CFDP1: variants seen among roughly 807,000 people sequenced by gnomAD.
CFDP1 encodes heterochromatin-stabilizing protein CFDP1.
A neutral mutation model predicts 40.1 loss-of-function variants in CFDP1; 31 were observed. The ratio of observed to expected loss-of-function variants is 0.77; its 90% CI spans 0.58 to 1.04. The LOEUF (loss-of-function observed/expected upper bound fraction) is 1.04, where lower values mean the gene tolerates loss of function less well. CFDP1 is among the 50% of genes least tolerant of loss of function. The pLI is 0.00. For synonymous variants in CFDP1, 167 were observed against 120.0 expected (o/e 1.39, Z -2.56); for missense variants, 423 against 343.4 (o/e 1.23, Z -1.83).
intron 6 of CFDP1, among the ~76,000 whole-genome samples, chr16:75,302,476 C>G (rs2078227685): frequency 6.6e-6 from 1 of 152,180 alleles, no homozygotes; most frequent in African/African-American, 2.4e-5. Context: ...CCAGGCTGGT[C>G]CTGAGCTCAA....
intron 5 of CFDP1, among the ~76,000 whole-genome samples, chr16:75,316,539 C>T (rs1233157478): frequency 7.4e-6 from 1 of 135,224 alleles, no homozygotes; most frequent in Non-Finnish European, 1.5e-5. Context: ...CACTGCACTC[C>T]AGCCTGGGTT....
At chr16:75,308,406 TTA>T (rs1303377528) in intron 5 of CFDP1, among the ~76,000 whole-genome samples, 1 of 152,214 alleles carries the variant, frequency 6.6e-6, no homozygotes, top group Non-Finnish European at 1.5e-5. Context: ...AATCCTTGTC[TTA>T]TGTTCTGCTT....
At chr16:75,313,461 T>A (rs571759482) in intron 5 of CFDP1, among the ~76,000 whole-genome samples, 9 of 152,280 alleles carry the variant, frequency 5.9e-5, no homozygotes, top group Non-Finnish European at 1.2e-4. Flanking sequence ...TCCTGATAGC[T>A]GGGATTACAG....
At chr16:75,432,370 TA>T (rs55961935) in intron 1 of CFDP1, among the ~76,000 whole-genome samples, 40,871 of 105,022 alleles carry the variant, frequency 0.39, 7,221 homozygotes, top group East Asian at 0.48. Context: ...ATGCCATTTC[TA>T]AAAAAAAAAA....
chr16:75,367,151 C>T (rs1222066891), intron 5 of CFDP1, among the ~76,000 whole-genome samples: 3 of 119,198 alleles, frequency 2.5e-5, no homozygotes, highest in Non-Finnish European at 3.3e-5. Context: ...GTGACAGGAA[C>T]GAGACTCCAT....
At position 75,294,104 on chromosome 16, in the gene CFDP1, G is replaced by C. The variant is rs980580206; in HGVS notation, c.810-62C>G. On this transcript the variant is annotated intron_variant, in intron 6 of 6. Coordinates refer to ENST00000283882, the MANE Select transcript of CFDP1 (RefSeq NM_006324.3). ...GTAGGAAAAACTCCTCCCCTGCACA[G>C]TCCCATCCCCCAGGGATAAACTAAG... 4.0e-6 allele frequency: 5 copies of C among 1,237,958 alleles called. No homozygotes were observed. In the African/African-American group the frequency reaches 7.4e-5, roughly 18 times the overall value. 76.7% of individuals were successfully genotyped at this position (1,237,958 alleles called of 1,614,324 possible).
At chr16:75,344,410 G>C (rs2078547853) in intron 5 of CFDP1, among the ~76,000 whole-genome samples, 1 of 152,106 alleles carries the variant, frequency 6.6e-6, no homozygotes, top group African/African-American at 2.4e-5. Context: ...AATTGCTTTA[G>C]AAAACAAAAT....
At chr16:75,358,940 G>T (rs1567656203) in intron 5 of CFDP1, among the ~76,000 whole-genome samples, 1 of 152,186 alleles carries the variant, frequency 6.6e-6, no homozygotes, top group Non-Finnish European at 1.5e-5. Context: ...GTAATCAGCA[G>T]TTCTGAAATG....
intron 5 of CFDP1, among the ~76,000 whole-genome samples, chr16:75,383,446 G>A (rs2078867551): frequency 6.6e-6 from 1 of 152,182 alleles, no homozygotes; most frequent in Admixed American, 6.5e-5. Context: ...CTTCCCTGAT[G>A]TTAAAACATT....
At chr16:75,359,234 T>G (rs1318788187) in intron 5 of CFDP1, among the ~76,000 whole-genome samples, 2 of 152,172 alleles carry the variant, frequency 1.3e-5, no homozygotes, top group Non-Finnish European at 2.9e-5. Flanking sequence ...TTTTAATTTC[T>G]TATACTATAA....
intron 4 of CFDP1, among the ~76,000 whole-genome samples, chr16:75,397,565 G>A (rs2079007009): frequency 6.6e-6 from 1 of 150,992 alleles, no homozygotes; most frequent in Non-Finnish European, 1.5e-5. Context: ...CACTTTGGGA[G>A]ACTGAGGCGG....
chr16:75,394,859 C>T lies in CFDP1; in HGVS notation c.650+231G>A. ...TTTTTTTTTAAGAGACAGGGTCTTACTGTATTGCCCAGGCTGGTCACAAAC... is the reference window on the plus strand; with the variant it reads ...TTTTTTTTTAAGAGACAGGGTCTTATTGTATTGCCCAGGCTGGTCACAAAC... On this transcript the variant is annotated intron_variant, in intron 5 of 6. Coordinates refer to ENST00000283882, the MANE Select transcript of CFDP1 (RefSeq NM_006324.3). The T allele has an allele frequency of 8.1e-6, 3 of 371,830 alleles. No individual in the cohort carries two copies. The South Asian group carries it at 9.2e-5, about 11-fold the overall frequency. The allele number at this position is 371,830 out of a possible 1,614,324, so 23.0% of individuals were successfully genotyped here.
intron 5 of CFDP1, among the ~76,000 whole-genome samples, chr16:75,334,460 T>C (rs1463494874): frequency 6.7e-6 from 1 of 149,944 alleles, no homozygotes; most frequent in African/African-American, 2.5e-5. Flanking sequence ...AATAGGCTAC[T>C]AGATGGCCAG....
At chr16:75,319,438 C>T (rs1267945568) in intron 5 of CFDP1, among the ~76,000 whole-genome samples, 3 of 152,174 alleles carry the variant, frequency 2.0e-5, no homozygotes, top group Non-Finnish European at 2.9e-5. Flanking sequence ...CTCAAAGTTA[C>T]ATCTGGGGTT....
At chr16:75,431,078 A>G (rs2079408025) in intron 1 of CFDP1, among the ~76,000 whole-genome samples, 1 of 152,148 alleles carries the variant, frequency 6.6e-6, no homozygotes, top group African/African-American at 2.4e-5. Context: ...ACCAGAGAAA[A>G]CAAGAAGTGC....
chr16:75,349,446 T>C (rs2078592688), intron 5 of CFDP1, among the ~76,000 whole-genome samples: 1 of 149,790 alleles, frequency 6.7e-6, no homozygotes, highest in Non-Finnish European at 1.5e-5. Flanking sequence ...GGAGTGGAGG[T>C]TGCGGTGAGC....
intron 5 of CFDP1, among the ~76,000 whole-genome samples, chr16:75,365,957 C>A (rs1052580457): frequency 6.6e-6 from 1 of 152,280 alleles, no homozygotes. Context: ...ATGGTGTGAC[C>A]ACTTTGGAAA....
In CFDP1 at chr16:75,433,283, G is replaced by T; in HGVS notation, c.64+6C>A. 6.3e-7 allele frequency: 1 copy of T among 1,595,840 alleles called. No individual in the cohort carries two copies. ...TTCGCTTCTCGCCTCAGGCGGAATCGCTCACCCGACGGCACGTAGTCCTCG... is the reference window on the plus strand; with the variant it reads ...TTCGCTTCTCGCCTCAGGCGGAATCTCTCACCCGACGGCACGTAGTCCTCG... On this transcript the variant is annotated splice_donor_region_variant and intron_variant, in intron 1 of 6. Coordinates refer to ENST00000283882, the MANE Select transcript of CFDP1 (RefSeq NM_006324.3).
At chr16:75,355,242 A>T (rs191662225) in intron 5 of CFDP1, among the ~76,000 whole-genome samples, 1 of 152,178 alleles carries the variant, frequency 6.6e-6, no homozygotes, top group East Asian at 1.9e-4. Context: ...TAATTGTGGC[A>T]ATTTCTTAAA....
Sources: gnomAD v4.1 joint callset for allele counts (sites outside exome capture counted in the v4.1 genomes callset) on GRCh38, gnomAD v4.1.1 for gene constraint, MANE v1.5 for transcripts, NCBI Gene and HGNC (gene_info 2026-07-23, HGNC 2026-07-21) for gene names.